PHLPP2: variants seen among roughly 807,000 people sequenced by gnomAD.
PHLPP2 encodes PH domain and leucine rich repeat protein phosphatase 2.
In PHLPP2, 66 loss-of-function variants were observed where a neutral mutation model predicts 124.9. The ratio of observed to expected loss-of-function variants is 0.53; its 90% CI spans 0.43 to 0.65. PHLPP2 has a LOEUF of 0.65. PHLPP2 is among the 30% of genes least tolerant of loss of function. The probability of loss-of-function intolerance (pLI) is 0.00; values close to 1 mark genes in which losing one functional copy is unlikely to be tolerated. For synonymous variants in PHLPP2, 681 were observed against 624.7 expected (o/e 1.09, Z -1.34); for missense variants, 1,685 against 1,600.4 (o/e 1.05, Z -0.90).
chr16:71,646,248 T>C lies in PHLPP2; in HGVS notation c.*2642A>G, dbSNP rs1214919806. On this transcript the variant is annotated 3_prime_UTR_variant, in exon 19 of 19. Transcript: ENST00000568954. ...GTATTATATTTTTCATAATGGGCTA[T>C]GGCCTTTTTACCCTGTTTTAATACA... The C allele has an allele frequency of 2.0e-5, 3 of 152,386 alleles. No homozygotes were observed. Among genetic ancestry groups the C allele is most frequent in the Non-Finnish European group, 4.4e-5 (3 of 68,048 alleles). 9.4% of individuals were successfully genotyped at this position (152,386 alleles called of 1,614,324 possible). A position where few individuals can be genotyped will look rare whatever the true frequency, so the allele number is the denominator to read the frequency against.
At position 71,647,004 on chromosome 16, in the gene PHLPP2, G is replaced by C. The variant is rs1436287007; in HGVS notation, c.*1886C>G. 1 of 152,502 alleles carries C rather than the reference G, an allele frequency of 6.6e-6. No individual in the cohort carries two copies. The highest frequency in any genetic ancestry group is 6.5e-5 in the Admixed American group (1 of 15,270). The allele number at this position is 152,502 out of a possible 1,614,324, so 9.4% of individuals were successfully genotyped here. A position where few individuals can be genotyped will look rare whatever the true frequency, so the allele number is the denominator to read the frequency against. On this transcript the variant is annotated 3_prime_UTR_variant, in exon 19 of 19. Coordinates refer to ENST00000568954, the MANE Select transcript of PHLPP2 (RefSeq NM_015020.3). The stretch of plus-strand genomic sequence containing the variant: ...TGAAGACACATAATTATTATGGACA[G>C]GTCATCTGATTTTGACTATTGCTTT...
intron 3 of PHLPP2, among the ~76,000 whole-genome samples, chr16:71,701,062 G>A (rs553211386): frequency 1.3e-5 from 2 of 152,194 alleles, no homozygotes; most frequent in East Asian, 3.9e-4. Context: ...GGCCATGTGA[G>A]TGAACCGTGT....
rs771329395 is a variant in PHLPP2 at position 71,684,534 on chromosome 16, T to C, written c.677A>G (p.Tyr226Cys). ...GGCCAAAGTCTCGAAGCTGACATGATAGGTCTGAGCTTGGGCTCCTGCTGA... is the reference window on the plus strand; with the variant it reads ...GGCCAAAGTCTCGAAGCTGACATGACAGGTCTGAGCTTGGGCTCCTGCTGA... ...FSSAGAQAQT[Y>C]HVSFETLAEY... Residue 226 changes from tyrosine to cysteine, a missense_variant, in exon 5 of 19, where the codon TAT becomes TGT. Coordinates refer to ENST00000568954, the MANE Select transcript of PHLPP2 (RefSeq NM_015020.3). The C allele has an allele frequency of 9.9e-6, 16 of 1,613,780 alleles. No individual in the cohort carries two copies. The highest frequency in any genetic ancestry group is 1.7e-5 in the Admixed American group (1 of 59,964).
rs567830248 is a variant in PHLPP2 at position 71,682,009 on chromosome 16, T to C, written c.736-104A>G. ...CACAAAAAGACGCTAATTAAAAAGA[T>C]AGGAAAAAAAAGGCAATAAGATCCA... On this transcript the variant is annotated intron_variant, in intron 5 of 18. Coordinates refer to ENST00000568954, the MANE Select transcript of PHLPP2 (RefSeq NM_015020.3). 209 of 712,688 alleles carry C rather than the reference T, an allele frequency of 2.9e-4. 2 individuals are homozygous for C. In the South Asian group the frequency reaches 6.7e-3, roughly 23 times the overall value. 44.1% of individuals were successfully genotyped at this position (712,688 alleles called of 1,614,324 possible).
In PHLPP2 at chr16:71,670,695, A is replaced by AACACACACACACACCCAC. The variant is rs1555545715; in HGVS notation, c.1533-1326_1533-1325insGTGGGTGTGTGTGTGTGT. Among the ~76,000 whole-genome samples, 292 of 129,024 alleles carry AACACACACACACACCCAC rather than the reference A, an allele frequency of 2.3e-3. 2 individuals are homozygous for AACACACACACACACCCAC. Among genetic ancestry groups the AACACACACACACACCCAC allele is most frequent in the African/African-American group, 7.6e-3 (256 of 33,860 alleles). 84.6% of individuals were successfully genotyped at this position (129,024 alleles called of 152,430 possible). A position where few individuals can be genotyped will look rare whatever the true frequency, so the allele number is the denominator to read the frequency against. ...ACAGACTAAGAAAAAAGAGGCTGAA[A>AACACACACACACACCCAC]ACACACACACACACACACACACACA... is the stretch of plus-strand genomic sequence containing the variant. On this transcript the variant is annotated intron_variant, in intron 10 of 18. Transcript: ENST00000568954.
rs1181164802 is a variant in PHLPP2 at position 71,715,081 on chromosome 16, G to A, written c.-6-280C>T. On this transcript the variant is annotated intron_variant, in intron 1 of 18. Transcript: ENST00000568954. ...AAGAATAACGAAACAGCGGGTTGCA[G>A]TGGCTCAGGCCTGTAATCCCAGCAC... The A allele has an allele frequency of 7.2e-6, 3 of 415,652 alleles. No individual in the cohort carries two copies. In the Admixed American group the frequency reaches 1.2e-4, roughly 17 times the overall value. The allele number at this position is 415,652 out of a possible 1,614,324, so 25.7% of individuals were successfully genotyped here. A position where few individuals can be genotyped will look rare whatever the true frequency, so the allele number is the denominator to read the frequency against.
chr16:71,651,551 A>G (rs1018786026), intron 18 of PHLPP2, among the ~76,000 whole-genome samples: 4 of 152,162 alleles, frequency 2.6e-5, no homozygotes, highest in African/African-American at 4.8e-5. Context: ...TAAAAATAAA[A>G]TAACTAAAAA....
At chr16:71,673,733 T>A (rs112140490) in intron 9 of PHLPP2, among the ~76,000 whole-genome samples, 182 of 152,246 alleles carry the variant, frequency 1.2e-3, no homozygotes, top group African/African-American at 4.2e-3. Context: ...GTTGATGAGG[T>A]CTTTTCCAGT....
intron 4 of PHLPP2, among the ~76,000 whole-genome samples, chr16:71,687,610 G>A (rs9940217): frequency 0.34 from 52,025 of 151,682 alleles, 9,747 homozygotes; most frequent in East Asian, 0.76. Flanking sequence ...TTATTTTAGC[G>A]TTACAAAGTC....
intron 14 of PHLPP2, 81 bp downstream of exon 14, chr16:71,658,572 T>C (rs1296512208): frequency 2.8e-6 from 4 of 1,434,346 alleles, no homozygotes; most frequent in Non-Finnish European, 3.8e-6. Context: ...TCCTTTCTTC[T>C]TCTTTATAAA....
intron 4 of PHLPP2, 134 bp from the exon 5 acceptor site, chr16:71,684,735 T>TC (rs1322891373): frequency 1.3e-6 from 1 of 758,184 alleles, no homozygotes; most frequent in Non-Finnish European, 2.0e-6. Flanking sequence ...TCCCTCCTTG[T>TC]CCCCCTCCAT....
In PHLPP2 at chr16:71,684,614, A is replaced by C; in HGVS notation, c.610-13T>G. 1 of 1,598,282 alleles carries C rather than the reference A, an allele frequency of 6.3e-7. No homozygotes were observed. ...TCACTTCTTCTATCTGAAGAAGAGGAGGGGAGAAAACCAGAACCACTAAAA... is the reference window on the plus strand; with the variant it reads ...TCACTTCTTCTATCTGAAGAAGAGGCGGGGAGAAAACCAGAACCACTAAAA... On this transcript the variant is annotated splice_polypyrimidine_tract_variant and intron_variant, in intron 4 of 18. Coordinates refer to ENST00000568954, the MANE Select transcript of PHLPP2 (RefSeq NM_015020.3).
intron 6 of PHLPP2, among the ~76,000 whole-genome samples, chr16:71,681,165 T>A (rs1001864244): frequency 6.6e-6 from 1 of 152,198 alleles, no homozygotes; most frequent in Non-Finnish European, 1.5e-5. Flanking sequence ...TTACAACACA[T>A]ATTTATTCAC....
chr16:71,674,855 G>C (rs970546088), intron 9 of PHLPP2, among the ~76,000 whole-genome samples: 4 of 152,072 alleles, frequency 2.6e-5, no homozygotes, highest in Non-Finnish European at 4.4e-5. Flanking sequence ...AAATTAGATG[G>C]GCATGGTGGC....
chr16:71,689,105 C>T (rs1046030259), intron 4 of PHLPP2, among the ~76,000 whole-genome samples: 9 of 152,176 alleles, frequency 5.9e-5, no homozygotes, highest in African/African-American at 2.2e-4. Flanking sequence ...AGCCAAATTC[C>T]GAGGCTGCCA....
At chr16:71,719,962 TA>T (rs1373471718) in intron 1 of PHLPP2, among the ~76,000 whole-genome samples, 1 of 110,098 alleles carries the variant, frequency 9.1e-6, no homozygotes, top group African/African-American at 3.6e-5. Context: ...CATGCCCAGC[TA>T]ATTTTTTTTT....
intron 6 of PHLPP2, among the ~76,000 whole-genome samples, chr16:71,680,072 G>C (rs1281525960): frequency 1.3e-5 from 2 of 151,094 alleles, no homozygotes; most frequent in South Asian, 2.1e-4. Context: ...CACAGAGTGA[G>C]ACTCTGTCTC....
rs1375398374 is a variant in PHLPP2, at chr16:71,652,894, G to C, written c.2713C>G (p.Leu905Val). ...VANVGTCQAV[L>V]CRGGKPVPLS... ...GGCACTGGCTTCCCACCTCGGCACA[G>C]GACTGCTTGGCACGTGCCAACATTG... is the stretch of plus-strand genomic sequence containing the variant. The change falls in exon 18 of 19, where the codon CTG (leucine) becomes GTG (valine). Residue 905 changes from leucine to valine, a missense_variant. Coordinates refer to ENST00000568954, the MANE Select transcript of PHLPP2 (RefSeq NM_015020.3). The C allele has an allele frequency of 1.2e-6, 2 of 1,614,088 alleles. No homozygotes were observed. The highest frequency in any genetic ancestry group is 2.2e-5 in the South Asian group (2 of 91,080).
intron 2 of PHLPP2, among the ~76,000 whole-genome samples, chr16:71,711,871 G>A (rs552922105): frequency 1.1e-3 from 175 of 152,296 alleles, no homozygotes; most frequent in African/African-American, 4.0e-3. Context: ...CTGAGTAACA[G>A]ATCTAAAAAC....
Sources: gnomAD v4.1 joint callset for allele counts (sites outside exome capture counted in the v4.1 genomes callset) on GRCh38, gnomAD v4.1.1 for gene constraint, MANE v1.5 for transcripts, NCBI Gene and HGNC (gene_info 2026-07-23, HGNC 2026-07-21) for gene names.